ADAM9: variants seen among roughly 807,000 people sequenced by gnomAD.
The protein encoded by ADAM9 is disintegrin and metalloproteinase domain-containing protein 9.
ADAM9 carries 54 observed loss-of-function variants against 108.1 expected under a neutral mutation model. That is an observed-to-expected ratio of 0.50 (90% CI 0.40 to 0.63). ADAM9 has a LOEUF of 0.63. Among genes scored for constraint, ADAM9 ranks in the 20% least tolerant of loss-of-function variants. The pLI is 0.00. For synonymous variants in ADAM9, 316 were observed against 336.0 expected (o/e 0.94, Z 0.65); for missense variants, 830 against 997.7 (o/e 0.83, Z 2.26).
chr8:39,018,729 G>A (rs564187123), intron 6 of ADAM9, 124 bp from the exon 7 acceptor site: 29 of 865,048 alleles, frequency 3.4e-5, no homozygotes, highest in African/African-American at 5.0e-5. Flanking sequence ...TCTTGATATA[G>A]GATATGTTAA....
At chr8:39,036,473 A>T (rs115515081) in intron 11 of ADAM9, among the ~76,000 whole-genome samples, 2,844 of 148,190 alleles carry the variant, frequency 0.019, 99 homozygotes, top group African/African-American at 0.065. Flanking sequence ...GATAGTTGAA[A>T]TTTTTTTTTT....
intron 20 of ADAM9, among the ~76,000 whole-genome samples, chr8:39,098,233 T>C (rs1055065283): frequency 3.3e-5 from 5 of 152,234 alleles, no homozygotes; most frequent in Admixed American, 6.5e-5. Context: ...CTTTTTCTTC[T>C]GTATCTTTAG....
intron 12 of ADAM9, 111 bp from the exon 13 acceptor site, chr8:39,054,370 G>T (rs760899418): frequency 2.6e-5 from 25 of 946,510 alleles, no homozygotes; most frequent in Non-Finnish European, 4.0e-5. Context: ...GAGGGTAACT[G>T]CTACAATCAT....
rs987166435 is a variant in ADAM9 at position 39,105,156 on chromosome 8, TAAAG to T, written c.*1459_*1462del. ...AGTGTGCACAATGGCTTTTTGTTAA[TAAAG>T]AACAGATTAGTTTTGAAGAAGGCAA... is the stretch of plus-strand genomic sequence containing the variant. On this transcript the variant is annotated 3_prime_UTR_variant, in exon 22 of 22. Transcript: ENST00000487273. The T allele has an allele frequency of 7.7e-5, 33 of 431,132 alleles. No individual in the cohort carries two copies. Among genetic ancestry groups the T allele is most frequent in the Non-Finnish European group, 1.4e-4 (30 of 219,774 alleles). 26.7% of individuals were successfully genotyped at this position (431,132 alleles called of 1,614,324 possible). A position where few individuals can be genotyped will look rare whatever the true frequency, so the allele number is the denominator to read the frequency against.
chr8:39,004,399 G>C lies in ADAM9; in HGVS notation c.98-3487G>C, dbSNP rs1436976975. 7.2e-5 allele frequency among the ~76,000 whole-genome samples: 11 copies of C among 151,892 alleles called. No individual in the cohort carries two copies. The East Asian group carries it at 1.9e-3, about 27-fold the overall frequency. On this transcript the variant is annotated intron_variant, in intron 1 of 21. Coordinates refer to ENST00000487273, the MANE Select transcript of ADAM9 (RefSeq NM_003816.3). ...CCACTAATTTTTAAATTTTTTTGAAGAGACAGGGTCTTGCTCTGTTGCTCA... is the reference window on the plus strand; with the variant it reads ...CCACTAATTTTTAAATTTTTTTGAACAGACAGGGTCTTGCTCTGTTGCTCA...
chr8:39,026,810 C>T lies in ADAM9; in HGVS notation c.1130C>T (p.Ser377Leu), dbSNP rs1485754872. The stretch of plus-strand genomic sequence containing the variant: ...AGCTGCATCATGAATTCAGGAGCAT[C>T]GTGAGTACCTGGGTTCTTCTTCTCC... The part of the protein sequence containing the change: ...AKSCIMNSGA[S>L]GSRNFSSCSA... Residue 377 changes from serine (S) to leucine (L), a missense_variant and splice_region_variant, in exon 11 of 22, where the codon TCG (serine) becomes TTG (leucine). Coordinates refer to ENST00000487273, the MANE Select transcript of ADAM9 (RefSeq NM_003816.3). The T allele has an allele frequency of 6.5e-7, 1 of 1,544,648 alleles. No homozygotes were observed. The highest frequency in any genetic ancestry group is 8.7e-7 in the Non-Finnish European group (1 of 1,154,216).
chr8:39,070,172 A>AAG (rs1838636783), intron 14 of ADAM9, among the ~76,000 whole-genome samples: 2 of 151,102 alleles, frequency 1.3e-5, no homozygotes, highest in African/African-American at 4.9e-5. Context: ...AAAAAAAAAA[A>AAG]AGCTAAAATG....
At chr8:39,033,529 C>T (rs373996842) in intron 11 of ADAM9, among the ~76,000 whole-genome samples, 23 of 151,092 alleles carry the variant, frequency 1.5e-4, no homozygotes, top group African/African-American at 5.3e-4. Context: ...GCTTCTAAAA[C>T]ATATTTAAAT....
chr8:39,095,027 A>T (rs1839459574), intron 20 of ADAM9, among the ~76,000 whole-genome samples: 1 of 152,110 alleles, frequency 6.6e-6, no homozygotes, highest in Admixed American at 6.6e-5. Flanking sequence ...AAATGTAGGC[A>T]CTTATTGGTA....
At chr8:39,093,731 G>A (rs540580161) in intron 20 of ADAM9, among the ~76,000 whole-genome samples, 3 of 152,250 alleles carry the variant, frequency 2.0e-5, no homozygotes, top group African/African-American at 7.2e-5. Flanking sequence ...GGCGTGTGAT[G>A]TACAGCCTTT....
At chr8:39,046,873 A>T (rs2129437453) in intron 12 of ADAM9, among the ~76,000 whole-genome samples, 1 of 152,054 alleles carries the variant, frequency 6.6e-6, no homozygotes, top group Non-Finnish European at 1.5e-5. Context: ...GGCCCAAGTG[A>T]TCCTCGTGCC....
At chr8:39,045,473 C>CACACACCTATATGTGCGTGTGT (rs1837721832) in intron 12 of ADAM9, among the ~76,000 whole-genome samples, 1 of 92,426 alleles carries the variant, frequency 1.1e-5, no homozygotes, top group Non-Finnish European at 2.7e-5. Flanking sequence ...CGTGTGTGTA[C>CACACACCTATATGTGCGTGTGT]ACACACCTAT....
rs945713653 is a variant in ADAM9, at chr8:39,089,109, C to T, written c.2069-938C>T. 2.6e-5 allele frequency among the ~76,000 whole-genome samples: 4 copies of T among 151,930 alleles called. 1 individual carries two copies. The highest frequency in any genetic ancestry group is 2.1e-4 in the South Asian group (1 of 4,810). ...TAATAATACAAAAAAATTAGCTGGG[C>T]GTGGTGGCGCATACCTGTAATCCCA... On this transcript the variant is annotated intron_variant, in intron 18 of 21. Transcript: ENST00000487273.
chr8:39,033,428 T>C (rs1837164166), intron 11 of ADAM9, among the ~76,000 whole-genome samples: 1 of 151,894 alleles, frequency 6.6e-6, no homozygotes, highest in Admixed American at 6.6e-5. Flanking sequence ...CTCACTGCAG[T>C]AGCTAGGACT....
chr8:39,022,205 A>G (rs1190543256), intron 8 of ADAM9, among the ~76,000 whole-genome samples: 1 of 152,130 alleles, frequency 6.6e-6, no homozygotes, highest in Non-Finnish European at 1.5e-5. Context: ...AATTTTATCT[A>G]CAAAGCTGAT....
At chr8:39,026,060 T>C (rs1336898425) in intron 10 of ADAM9, among the ~76,000 whole-genome samples, 176 bp downstream of exon 10, 1 of 152,252 alleles carries the variant, frequency 6.6e-6, no homozygotes, top group East Asian at 1.9e-4. Flanking sequence ...TTTAAATATG[T>C]GCTATGTGTT....
chr8:39,004,566 A>G (rs1042193595), intron 1 of ADAM9, among the ~76,000 whole-genome samples: 1 of 152,084 alleles, frequency 6.6e-6, no homozygotes. Context: ...TTTTTTTTTA[A>G]AAAGTGAAAG....
intron 1 of ADAM9, among the ~76,000 whole-genome samples, chr8:39,003,944 G>A (rs1468173688): frequency 6.6e-6 from 1 of 151,918 alleles, no homozygotes; most frequent in African/African-American, 2.4e-5. Context: ...CTCGGTAAAA[G>A]ATTCATAGAA....
chr8:39,049,084 A>G (rs183581471), intron 12 of ADAM9, among the ~76,000 whole-genome samples: 2 of 146,304 alleles, frequency 1.4e-5, no homozygotes, highest in African/African-American at 5.0e-5. Flanking sequence ...GTAATTCTTG[A>G]TAGGGAAGGA....
Sources: gnomAD v4.1 joint callset for allele counts (sites outside exome capture counted in the v4.1 genomes callset) on GRCh38, gnomAD v4.1.1 for gene constraint, MANE v1.5 for transcripts, NCBI Gene and HGNC (gene_info 2026-07-23, HGNC 2026-07-21) for gene names.